The following EXOC4 variants were observed in gnomAD, a reference collection of about 807,000 sequenced individuals.
The protein encoded by EXOC4 is SEC8-like 1.
In EXOC4, 71 loss-of-function variants were observed where a neutral mutation model predicts 107.2. The ratio of observed to expected loss-of-function variants is 0.66; its 90% CI spans 0.55 to 0.81. The LOEUF (loss-of-function observed/expected upper bound fraction) is 0.81. Among genes scored for constraint, EXOC4 ranks in the 30% least tolerant of loss-of-function variants. The pLI is 0.00. For missense variants in EXOC4, 1,108 were observed against 1,189.6 expected, an observed-to-expected ratio of 0.93 and a Z score of 1.01; for synonymous variants, 456 against 441.2, an observed-to-expected ratio of 1.03 and a Z score of -0.42.
chr7:134,030,255 C>T (rs1290687736), intron 17 of EXOC4, among the ~76,000 whole-genome samples: 4 of 152,130 alleles, frequency 2.6e-5, no homozygotes, highest in Non-Finnish European at 5.9e-5. Context: ...AAGCATGTGT[C>T]CACACAGAGA....
intron 14 of EXOC4, among the ~76,000 whole-genome samples, chr7:133,961,767 T>A (rs982644468): frequency 3.9e-5 from 6 of 152,314 alleles, no homozygotes; most frequent in South Asian, 2.1e-4. Flanking sequence ...ACAAAAACCA[T>A]GACTAAGTAA....
rs929747440 is a variant in EXOC4, at chr7:133,586,020, G to C, written c.1418-44025G>C. Among the ~76,000 whole-genome samples the C allele has an allele frequency of 9.2e-5, 14 of 152,106 alleles. 1 individual carries two copies. Among genetic ancestry groups the C allele is most frequent in the Non-Finnish European group, 1.9e-4 (13 of 68,030 alleles). On this transcript the variant is annotated intron_variant, in intron 9 of 17. Transcript: ENST00000253861. Reference sequence around the variant, plus strand: ...TAGAAATATATACAGTTTTAATAATGGTAAGTGCTAAGGAGAAAAAGGAGG... The same window carrying C: ...TAGAAATATATACAGTTTTAATAATCGTAAGTGCTAAGGAGAAAAAGGAGG...
At chr7:133,885,063 C>T (rs1431317302) in intron 11 of EXOC4, among the ~76,000 whole-genome samples, 1 of 152,124 alleles carries the variant, frequency 6.6e-6, no homozygotes, top group African/African-American at 2.4e-5. Context: ...CGCCTATAAT[C>T]CCAGCACTTT....
At chr7:133,479,238 TATCTGTTTTTTTTCTTACTTGCACG>T (rs1231015038) in intron 8 of EXOC4, 1 of 152,222 alleles carries the variant, frequency 6.6e-6, no homozygotes, top group African/African-American at 2.4e-5. Flanking sequence ...GTCATAATTT[TATCTGTTTTTTTTCTTACTTGCACG>T]TTTATCTTAA....
At chr7:134,000,604 A>C (rs936442796) in intron 15 of EXOC4, among the ~76,000 whole-genome samples, 1 of 152,212 alleles carries the variant, frequency 6.6e-6, no homozygotes, top group African/African-American at 2.4e-5. Flanking sequence ...TTTACATAGC[A>C]GTCCACTTGT....
At chr7:134,060,860 TTCTC>T (rs939348458) in intron 17 of EXOC4, among the ~76,000 whole-genome samples, 2 of 152,204 alleles carry the variant, frequency 1.3e-5, no homozygotes, top group African/African-American at 4.8e-5. Flanking sequence ...GAGGAATTTT[TTCTC>T]TCTAACTATA....
At chr7:134,052,878 C>T (rs1454239964) in intron 17 of EXOC4, among the ~76,000 whole-genome samples, 1 of 152,140 alleles carries the variant, frequency 6.6e-6, no homozygotes, top group Non-Finnish European at 1.5e-5. Context: ...CCATTAGCGA[C>T]CATTATCCTG....
chr7:133,389,471 G>T (rs1211285032), intron 7 of EXOC4, among the ~76,000 whole-genome samples: 1 of 151,526 alleles, frequency 6.6e-6, no homozygotes, highest in Non-Finnish European at 1.5e-5. Flanking sequence ...TACTTGGGAG[G>T]CTGAGGCAGG....
At chr7:133,743,655 A>C (rs1014943201) in intron 10 of EXOC4, among the ~76,000 whole-genome samples, 51 of 151,856 alleles carry the variant, frequency 3.4e-4, no homozygotes, top group East Asian at 2.1e-3. Context: ...ATTAGTCAAA[A>C]CCCCCCCATG....
chr7:133,618,934 G>T (rs1436847574), intron 9 of EXOC4, among the ~76,000 whole-genome samples: 3 of 152,040 alleles, frequency 2.0e-5, no homozygotes, highest in Non-Finnish European at 4.4e-5. Flanking sequence ...TTGTAATTTT[G>T]AGTATTGATC....
intron 15 of EXOC4, among the ~76,000 whole-genome samples, chr7:134,003,806 T>C (rs1794581409): frequency 6.6e-6 from 1 of 152,192 alleles, no homozygotes; most frequent in African/African-American, 2.4e-5. Flanking sequence ...GGGCAGAATT[T>C]GGACTGAAAC....
At chr7:133,329,781 G>A (rs1217055882) in intron 5 of EXOC4, among the ~76,000 whole-genome samples, 1 of 152,188 alleles carries the variant, frequency 6.6e-6, no homozygotes, top group Non-Finnish European at 1.5e-5. Context: ...ATTGCTGCCT[G>A]TTCCTTCCTC....
At chr7:133,730,368 A>T (rs965721163) in intron 10 of EXOC4, among the ~76,000 whole-genome samples, 2 of 151,704 alleles carry the variant, frequency 1.3e-5, no homozygotes, top group African/African-American at 4.8e-5. Context: ...TCATGTATGG[A>T]GCGTTAGGAT....
intron 14 of EXOC4, among the ~76,000 whole-genome samples, chr7:133,978,756 T>C (rs1202000876): frequency 6.6e-6 from 1 of 152,206 alleles, no homozygotes; most frequent in African/African-American, 2.4e-5. Context: ...AAGCTTCTGA[T>C]TTGCCAGCTG....
intron 10 of EXOC4, among the ~76,000 whole-genome samples, chr7:133,687,848 A>G (rs1390770103): frequency 6.6e-6 from 1 of 152,164 alleles, no homozygotes; most frequent in African/African-American, 2.4e-5. Context: ...ACTAGCTTTT[A>G]AATCAGTTAC....
intron 17 of EXOC4, among the ~76,000 whole-genome samples, chr7:134,012,948 G>A (rs533429863): frequency 3.9e-5 from 6 of 152,294 alleles, no homozygotes; most frequent in Admixed American, 1.3e-4. Flanking sequence ...GGTTAAATTA[G>A]CTCAAGACAG....
In EXOC4 at chr7:133,526,977, A is replaced by C. The variant is rs1205024461; in HGVS notation, c.1417+46839A>C. ...CAGAGCGAGACTCCGTCTCAAAAACAAAAACAAAAACAAAAACAAGAAGTA... is the reference window on the plus strand; with the variant it reads ...CAGAGCGAGACTCCGTCTCAAAAACCAAAACAAAAACAAAAACAAGAAGTA... On this transcript the variant is annotated intron_variant, in intron 9 of 17. Coordinates refer to ENST00000253861, the MANE Select transcript of EXOC4 (RefSeq NM_021807.4). Among the ~76,000 whole-genome samples the C allele has an allele frequency of 5.9e-5, 9 of 152,114 alleles. 1 individual carries two copies. The highest frequency in any genetic ancestry group is 8.8e-5 in the Non-Finnish European group (6 of 68,038).
intron 17 of EXOC4, among the ~76,000 whole-genome samples, chr7:134,029,439 G>A (rs147930077): frequency 5.9e-5 from 9 of 152,324 alleles, no homozygotes; most frequent in East Asian, 3.9e-4. Context: ...GGAGAATAGC[G>A]GGGAAGGGGA....
intron 9 of EXOC4, among the ~76,000 whole-genome samples, chr7:133,597,969 G>A (rs980920648): frequency 4.0e-5 from 6 of 151,774 alleles, no homozygotes; most frequent in Non-Finnish European, 7.4e-5. Flanking sequence ...CCCAGGATCC[G>A]AGATGGCGCC....
Sources: allele counts gnomAD v4.1 joint callset (sites outside exome capture counted in the v4.1 genomes callset), GRCh38; gene constraint gnomAD v4.1.1; transcripts MANE v1.5; gene names NCBI Gene and HGNC (gene_info 2026-07-23, HGNC 2026-07-21).